IL1RAPL1: variants seen among roughly 807,000 people sequenced by gnomAD.
IL1RAPL1 encodes the protein interleukin-1 receptor accessory protein-like 1.
IL1RAPL1 carries 3 observed loss-of-function variants against 48.4 expected under a neutral mutation model. That is an observed-to-expected ratio of 0.06 (90% confidence interval 0.03 to 0.16). IL1RAPL1 has a LOEUF of 0.16. IL1RAPL1 is among the 10% of genes least tolerant of loss of function. The pLI, the probability that IL1RAPL1 is intolerant of heterozygous loss-of-function variation, is 1.00. For missense variants in IL1RAPL1, 349 were observed against 530.6 expected, an observed-to-expected ratio of 0.66 and a Z score of 3.36; for synonymous variants, 185 against 187.7, an observed-to-expected ratio of 0.99 and a Z score of 0.12.
chrX:29,687,976 G>A (rs1926674327), intron 6 of IL1RAPL1, among the ~76,000 whole-genome samples: 1 of 111,769 alleles, frequency 8.9e-6, no homozygotes, highest in Non-Finnish European at 1.9e-5. Context: ...GAGAGTCCCA[G>A]TGAGGCTCTG....
At chrX:28,714,757 G>A (rs1271337043) in intron 1 of IL1RAPL1, among the ~76,000 whole-genome samples, 1 of 112,170 alleles carries the variant, frequency 8.9e-6, no homozygotes, top group Non-Finnish European at 1.9e-5. Flanking sequence ...GGAGTAAGGT[G>A]TGACAAGTTA....
At chrX:29,080,994 T>TTCTTTCTTTCTCTC (rs1569232789) in intron 2 of IL1RAPL1, among the ~76,000 whole-genome samples, 8 of 26,439 alleles carry the variant, frequency 3.0e-4, no homozygotes, top group South Asian at 3.1e-3. Context: ...CTTTCTTTCT[T>TTCTTTCTTTCTCTC]TCTCTCTCTC....
chrX:29,171,909 G>C (rs919146224), intron 2 of IL1RAPL1, among the ~76,000 whole-genome samples: 2 of 112,160 alleles, frequency 1.8e-5, no homozygotes, highest in African/African-American at 3.2e-5. Context: ...GTAAAATAGG[G>C]CTTCTTAACT....
intron 2 of IL1RAPL1, among the ~76,000 whole-genome samples, chrX:29,115,019 A>G (rs1304212619): frequency 1.8e-5 from 2 of 111,250 alleles, no homozygotes; most frequent in East Asian, 5.6e-4. Context: ...TCCTTAAAGG[A>G]CCTCAAATAT....
At chrX:29,135,197 C>G (rs1929099716) in intron 2 of IL1RAPL1, among the ~76,000 whole-genome samples, 1 of 111,465 alleles carries the variant, frequency 9.0e-6, no homozygotes, top group Non-Finnish European at 1.9e-5. Context: ...CTATTGTTTG[C>G]CCTGCCAACC....
intron 1 of IL1RAPL1, among the ~76,000 whole-genome samples, chrX:28,729,973 C>CA (rs1179278820): frequency 9.0e-6 from 1 of 110,955 alleles, no homozygotes; most frequent in Non-Finnish European, 1.9e-5. Context: ...AAAAACAAAA[C>CA]AAAAAAAATT....
At chrX:29,320,829 T>C (rs1041343178) in intron 3 of IL1RAPL1, among the ~76,000 whole-genome samples, 8 of 110,825 alleles carry the variant, frequency 7.2e-5, no homozygotes, top group African/African-American at 2.6e-4. Context: ...ATTAAAAATA[T>C]ATTTGAGCAT....
chrX:28,692,810 T>C (rs912074448), intron 1 of IL1RAPL1, among the ~76,000 whole-genome samples: 2 of 111,721 alleles, frequency 1.8e-5, no homozygotes, highest in Non-Finnish European at 3.8e-5. Flanking sequence ...CACGACTATA[T>C]ATACACACAC....
intron 2 of IL1RAPL1, among the ~76,000 whole-genome samples, chrX:29,078,533 C>A (rs1424518881): frequency 8.9e-6 from 1 of 112,009 alleles, no homozygotes; most frequent in Non-Finnish European, 1.9e-5. Flanking sequence ...ACAAAAATTA[C>A]ATAATCAGTG....
chrX:28,741,630 T>C (rs1935908411), intron 1 of IL1RAPL1, among the ~76,000 whole-genome samples: 1 of 111,827 alleles, frequency 8.9e-6, no homozygotes, highest in Non-Finnish European at 1.9e-5. Flanking sequence ...CTCATTTTGT[T>C]GAATGTGAGA....
intron 5 of IL1RAPL1, among the ~76,000 whole-genome samples, chrX:29,587,800 T>G (rs935367863): frequency 2.7e-5 from 3 of 112,510 alleles, no homozygotes; most frequent in Non-Finnish European, 3.8e-5. Context: ...AACAGGCTTC[T>G]GTTAGAAACT....
intron 5 of IL1RAPL1, among the ~76,000 whole-genome samples, chrX:29,532,170 T>C (rs1007769196): frequency 1.8e-5 from 2 of 111,802 alleles, no homozygotes; most frequent in African/African-American, 3.3e-5. Flanking sequence ...AAAGGCTGCA[T>C]TGGAGTGAGA....
chrX:29,658,905 G>A (rs772376605), intron 5 of IL1RAPL1, among the ~76,000 whole-genome samples: 1 of 111,963 alleles, frequency 8.9e-6, no homozygotes, highest in African/African-American at 3.2e-5. Flanking sequence ...GTACAATAGA[G>A]TACTAGAATT....
chrX:29,560,462 C>T (rs1046495913), intron 5 of IL1RAPL1, among the ~76,000 whole-genome samples: 1 of 111,448 alleles, frequency 9.0e-6, no homozygotes, highest in Non-Finnish European at 1.9e-5. Context: ...TTTAAATAAA[C>T]TTTCTGCCCC....
At chrX:28,629,508 A>G (rs1934376660) in intron 1 of IL1RAPL1, among the ~76,000 whole-genome samples, 1 of 111,871 alleles carries the variant, frequency 8.9e-6, no homozygotes, top group African/African-American at 3.2e-5. Flanking sequence ...AAAATATGCT[A>G]TGTACCAAAA....
At chrX:28,968,198 T>C (rs1924967573) in intron 2 of IL1RAPL1, among the ~76,000 whole-genome samples, 1 of 111,701 alleles carries the variant, frequency 9.0e-6, no homozygotes, top group South Asian at 3.7e-4. Flanking sequence ...TTATTTTGGG[T>C]ATACTTAGAT....
At chrX:29,282,130 G>T (rs1216937555) in intron 2 of IL1RAPL1, among the ~76,000 whole-genome samples, 1 of 111,650 alleles carries the variant, frequency 9.0e-6, no homozygotes, top group African/African-American at 3.3e-5. Context: ...TCATATTGAG[G>T]GTTAAGGCGT....
chrX:28,939,980 A>G (rs1287623813), intron 2 of IL1RAPL1, among the ~76,000 whole-genome samples: 2 of 111,638 alleles, frequency 1.8e-5, no homozygotes, highest in Admixed American at 9.5e-5. Flanking sequence ...CTCTATGCCT[A>G]TGTGCATTTT....
At chrX:29,771,255 T>G (rs1301176700) in intron 6 of IL1RAPL1, among the ~76,000 whole-genome samples, 3 of 112,266 alleles carry the variant, frequency 2.7e-5, no homozygotes, top group Non-Finnish European at 5.6e-5. Context: ...CAGTTTCCTT[T>G]CAACAATGTC....
Sources: gnomAD v4.1 joint callset for allele counts (sites outside exome capture counted in the v4.1 genomes callset) on GRCh38, gnomAD v4.1.1 for gene constraint, MANE v1.5 for transcripts, NCBI Gene and HGNC (gene_info 2026-07-23, HGNC 2026-07-21) for gene names.